The following ARL15 variants were observed in gnomAD, a reference collection of about 807,000 sequenced individuals.
ARL15 encodes the protein ADP-ribosylation factor-like protein 15.
Under a neutral mutation model 25.2 loss-of-function variants are expected in ARL15, and 19 were observed. The observed-to-expected ratio is 0.75, with a 90% CI of 0.53 to 1.10. ARL15 has a LOEUF of 1.10. ARL15 is among the 50% of genes least tolerant of loss of function. ARL15 has a pLI of 0.00. For missense variants in ARL15, 220 were observed against 246.0 expected (o/e 0.89, Z 0.71); for synonymous variants, 94 against 86.8 (o/e 1.08, Z -0.46).
At chr5:54,269,706 C>T (rs1213057004) in intron 1 of ARL15, among the ~76,000 whole-genome samples, 3 of 152,098 alleles carry the variant, frequency 2.0e-5, no homozygotes, top group African/African-American at 4.8e-5. Flanking sequence ...AGTGCGGTGG[C>T]GCGATCTCGG....
chr5:53,995,310 A>G (rs1748634429), intron 4 of ARL15, among the ~76,000 whole-genome samples: 1 of 144,260 alleles, frequency 6.9e-6, no homozygotes, highest in South Asian at 2.3e-4. Flanking sequence ...TCACAAAAAA[A>G]AAAAAAAAAA....
chr5:53,978,072 C>A (rs1397692742), intron 4 of ARL15, among the ~76,000 whole-genome samples: 2 of 152,032 alleles, frequency 1.3e-5, no homozygotes, highest in Non-Finnish European at 2.9e-5. Context: ...CCAAAAAGGT[C>A]TAGGTCATGT....
chr5:54,156,707 T>C (rs888868368), intron 2 of ARL15, among the ~76,000 whole-genome samples: 6 of 152,208 alleles, frequency 3.9e-5, no homozygotes, highest in African/African-American at 1.4e-4. Context: ...AACAATCTTC[T>C]AAAACATACC....
At chr5:54,115,465 TG>T (rs1268739777) in intron 3 of ARL15, among the ~76,000 whole-genome samples, 1 of 152,120 alleles carries the variant, frequency 6.6e-6, no homozygotes, top group African/African-American at 2.4e-5. Context: ...GTAAATTTCT[TG>T]AAAGAATAAT....
chr5:54,138,270 G>C (rs1043922272), intron 3 of ARL15, among the ~76,000 whole-genome samples: 1 of 152,042 alleles, frequency 6.6e-6, no homozygotes, highest in African/African-American at 2.4e-5. Flanking sequence ...TTGAGGCCAG[G>C]AGTTCGAGGC....
At chr5:54,186,856 T>C (rs1340813767) in intron 1 of ARL15, among the ~76,000 whole-genome samples, 1 of 148,802 alleles carries the variant, frequency 6.7e-6, no homozygotes, top group Non-Finnish European at 1.5e-5. Context: ...TAGAATAAAG[T>C]CTCAGTAGCA....
intron 4 of ARL15, among the ~76,000 whole-genome samples, chr5:54,036,643 G>C (rs1750175638): frequency 6.6e-6 from 1 of 152,214 alleles, no homozygotes; most frequent in African/African-American, 2.4e-5. Flanking sequence ...AAGATTGTCA[G>C]ATACTTAATG....
intron 4 of ARL15, among the ~76,000 whole-genome samples, chr5:54,004,976 T>C (rs1202318469): frequency 6.6e-6 from 1 of 152,130 alleles, no homozygotes; most frequent in Admixed American, 6.6e-5. Flanking sequence ...GTTTTTAAAT[T>C]CTAATGTGTG....
chr5:53,934,990 C>T (rs910400042), intron 4 of ARL15, among the ~76,000 whole-genome samples: 5 of 152,278 alleles, frequency 3.3e-5, no homozygotes, highest in Admixed American at 1.3e-4. Context: ...ATCCAGAGCC[C>T]TTTCCCAGAG....
chr5:53,906,793 T>A (rs1745262495), intron 4 of ARL15, among the ~76,000 whole-genome samples: 1 of 152,198 alleles, frequency 6.6e-6, no homozygotes, highest in Non-Finnish European at 1.5e-5. Flanking sequence ...GCATCATAGA[T>A]GTTTAAAAAT....
At position 53,886,715 on chromosome 5, in the gene ARL15, T is replaced by TCTTGTACTGAGCGAGCTGC; in HGVS notation, c.463-3_463-2insGCAGCTCGCTCAGTACAAG. ...TTCAAGTTCAAAATATTTTTTGATC[T>TCTTGTACTGAGCGAGCTGC]TAAGAGGAAAAAATAAAGATAAATA... On this transcript the variant is annotated splice_region_variant and splice_polypyrimidine_tract_variant and intron_variant, in intron 4 of 4. Coordinates refer to ENST00000504924, the MANE Select transcript of ARL15 (RefSeq NM_019087.3). The TCTTGTACTGAGCGAGCTGC allele has an allele frequency of 6.5e-7, 1 of 1,542,436 alleles. No individual in the cohort carries two copies. The highest frequency in any genetic ancestry group is 2.1e-5 in the Admixed American group (1 of 47,020).
At chr5:54,108,999 T>A (rs1484972762) in intron 4 of ARL15, among the ~76,000 whole-genome samples, 5 of 152,062 alleles carry the variant, frequency 3.3e-5, no homozygotes, top group African/African-American at 1.2e-4. Context: ...AATGTTTATA[T>A]CATTACAAAA....
At chr5:53,991,542 CAAAA>C (rs760743257) in intron 4 of ARL15, among the ~76,000 whole-genome samples, 2 of 40,678 alleles carry the variant, frequency 4.9e-5, no homozygotes, top group Admixed American at 3.1e-4. Context: ...AACTCCATCT[CAAAA>C]AAAAAAAAAA....
intron 4 of ARL15, among the ~76,000 whole-genome samples, chr5:54,049,357 C>A (rs1750636182): frequency 6.6e-6 from 1 of 151,860 alleles, no homozygotes. Flanking sequence ...CCTAGCCTCC[C>A]AGTAAGTCCC....
At chr5:54,184,225 T>G (rs1241803038) in intron 1 of ARL15, among the ~76,000 whole-genome samples, 2 of 122,614 alleles carry the variant, frequency 1.6e-5, no homozygotes, top group Non-Finnish European at 1.7e-5. Flanking sequence ...AATGTGCACA[T>G]GTACCCTAAA....
At chr5:53,935,647 C>G (rs975761446) in intron 4 of ARL15, among the ~76,000 whole-genome samples, 1 of 152,112 alleles carries the variant, frequency 6.6e-6, no homozygotes, top group African/African-American at 2.4e-5. Flanking sequence ...GAGTGTGGAG[C>G]GGGAGGAATT....
chr5:54,283,739 T>C (rs1249710793), intron 1 of ARL15, among the ~76,000 whole-genome samples: 1 of 152,222 alleles, frequency 6.6e-6, no homozygotes, highest in Non-Finnish European at 1.5e-5. Flanking sequence ...CTGGAAAAGT[T>C]ATCTTCCCCA....
Position 54,018,918 on chromosome 5 carries a change from T to G in ARL15, c.462+94284A>C, listed in dbSNP as rs1561191115. On this transcript the variant is annotated intron_variant, in intron 4 of 4. Coordinates refer to ENST00000504924, the MANE Select transcript of ARL15 (RefSeq NM_019087.3). Reference sequence around the variant, plus strand: ...TATTATAGTTCCCAATGTTGTTGTTTTTTTCTATAATCTGCACAATTTAAG... The same window carrying G: ...TATTATAGTTCCCAATGTTGTTGTTGTTTTCTATAATCTGCACAATTTAAG... Among the ~76,000 whole-genome samples, 2 of 152,148 alleles carry G rather than the reference T, an allele frequency of 1.3e-5. 1 individual carries two copies. The highest frequency in any genetic ancestry group is 4.1e-4 in the South Asian group (2 of 4,826).
chr5:54,269,225 A>G (rs546922544), intron 1 of ARL15, among the ~76,000 whole-genome samples: 44 of 151,374 alleles, frequency 2.9e-4, no homozygotes, highest in Middle Eastern at 7.1e-3. Context: ...GTATAATAAG[A>G]ATAAAATAAA....
Sources: allele counts gnomAD v4.1 joint callset (sites outside exome capture counted in the v4.1 genomes callset), GRCh38; gene constraint gnomAD v4.1.1; transcripts MANE v1.5; gene names NCBI Gene and HGNC (gene_info 2026-07-23, HGNC 2026-07-21).